The following RIOK3 variants were observed in gnomAD, a reference collection of about 807,000 sequenced individuals.
The protein encoded by RIOK3 is serine/threonine-protein kinase RIO3.
A neutral mutation model predicts 63.5 loss-of-function variants in RIOK3; 40 were observed. The observed-to-expected ratio is 0.63, with a 90% CI of 0.49 to 0.82. The LOEUF is 0.82. Ranked by LOEUF, RIOK3 falls within the 40% of genes least tolerant of loss-of-function variation. The pLI is 0.00. For synonymous variants in RIOK3, 193 were observed against 205.0 expected, an observed-to-expected ratio of 0.94 and a Z score of 0.50; for missense variants, 557 against 637.0, an observed-to-expected ratio of 0.87 and a Z score of 1.35.
chr18:23,466,225 A>G lies in RIOK3; in HGVS notation c.636A>G (p.Ser212=), dbSNP rs1342165708. Reference sequence around the variant, plus strand: ...ATGCTTTAAAACAACATGCCTACTCAGAAGAACGTCGAAGTGCCCGCCTAC... The same window carrying G: ...ATGCTTTAAAACAACATGCCTACTCGGAAGAACGTCGAAGTGCCCGCCTAC... The part of the protein sequence containing the change: ...VFNALKQHAY[S]EERRSARLHE... Residue 212 remains serine, a synonymous_variant, in exon 6 of 13, where the codon TCA becomes TCG. Coordinates refer to ENST00000339486, the MANE Select transcript of RIOK3 (RefSeq NM_003831.5). The G allele has an allele frequency of 2.5e-6, 4 of 1,612,770 alleles. No homozygotes were observed. The highest frequency in any genetic ancestry group is 3.4e-6 in the Non-Finnish European group (4 of 1,179,392).
intron 1 of RIOK3, among the ~76,000 whole-genome samples, chr18:23,458,547 A>G (rs2145669963): frequency 6.6e-6 from 1 of 152,346 alleles, no homozygotes. Context: ...GTGTCCCATC[A>G]GATTGTGACA....
Position 23,461,570 on chromosome 18 carries a change from A to G in RIOK3, c.64-1394A>G, listed in dbSNP as rs181954714. ...GAGATGCTTAGGCATCTTACTAAAT[A>G]GTAAAGGTCTTAATCAATAGGCTAT... On this transcript the variant is annotated intron_variant, in intron 1 of 12. Transcript: ENST00000339486. Among the ~76,000 whole-genome samples the G allele has an allele frequency of 1.1e-3, 164 of 152,362 alleles. 1 individual carries two copies. The highest frequency in any genetic ancestry group is 6.8e-3 in the Middle Eastern group (2 of 294).
intron 1 of RIOK3, among the ~76,000 whole-genome samples, chr18:23,460,806 T>C (rs76724884): frequency 0.016 from 2,428 of 152,268 alleles, 62 homozygotes; most frequent in African/African-American, 0.056. Context: ...GTTCTCCAGA[T>C]GATAGAAAGC....
intron 8 of RIOK3, 86 bp downstream of exon 8, chr18:23,473,712 A>T: frequency 1.0e-6 from 1 of 992,602 alleles, no homozygotes; most frequent in Non-Finnish European, 1.5e-6. Context: ...TTTTACATTC[A>T]TTTATAGAAA....
chr18:23,461,731 C>G (rs977157412), intron 1 of RIOK3, among the ~76,000 whole-genome samples: 1 of 151,874 alleles, frequency 6.6e-6, no homozygotes, highest in African/African-American at 2.4e-5. Context: ...CTGGGTCTGA[C>G]AGAATATTAC....
chr18:23,462,445 C>G (rs1568381053), intron 1 of RIOK3, among the ~76,000 whole-genome samples: 1 of 152,192 alleles, frequency 6.6e-6, no homozygotes, highest in Non-Finnish European at 1.5e-5. Flanking sequence ...CTGGCCTGTT[C>G]TTGTTTTTGT....
chr18:23,455,243 C>T (rs563608184), intron 1 of RIOK3, among the ~76,000 whole-genome samples: 1 of 151,240 alleles, frequency 6.6e-6, no homozygotes, highest in African/African-American at 2.4e-5. Flanking sequence ...AGCTGATTTT[C>T]GTATTTTTTT....
In RIOK3 at chr18:23,464,293, G is replaced by A. The variant is rs147314004; in HGVS notation, c.413G>A (p.Arg138His). ...GATGAGGTTGACTGGCAGGATACTC[G>A]TGATGATCCCTACAGACCAGGTACC... Reference protein sequence around the residue: ...SEDEVDWQDTRDDPYRPAKPV... With the variant: ...SEDEVDWQDTHDDPYRPAKPV... Residue 138 changes from arginine (R) to histidine (H), a missense_variant, in exon 4 of 13, where the codon CGT becomes CAT. Around this residue, in one of 3 missense-constraint regions of RIOK3, gnomAD observed 243 missense variants for 275.4 expected, o/e 0.88. Coordinates refer to ENST00000339486, the MANE Select transcript of RIOK3 (RefSeq NM_003831.5). 15 of 1,613,574 alleles carry A rather than the reference G, an allele frequency of 9.3e-6. No individual in the cohort carries two copies. The African/African-American group carries it at 1.1e-4, about 11-fold the overall frequency.
At chr18:23,459,048 G>T (rs1353339236) in intron 1 of RIOK3, among the ~76,000 whole-genome samples, 8 of 152,098 alleles carry the variant, frequency 5.3e-5, no homozygotes, top group African/African-American at 1.9e-4. Context: ...GGACAGCAAG[G>T]GTGCTTTGGT....
intron 7 of RIOK3, among the ~76,000 whole-genome samples, chr18:23,469,368 T>TC (rs112847601): frequency 0.051 from 80 of 1,580 alleles, 1 homozygote; most frequent in African/African-American, 0.078. Flanking sequence ...CCTCCCTCCC[T>TC]CCCTCCCTCC....
At chr18:23,466,808 T>G (rs1043808924) in intron 6 of RIOK3, among the ~76,000 whole-genome samples, 1 of 149,766 alleles carries the variant, frequency 6.7e-6, no homozygotes, top group Admixed American at 6.7e-5. Context: ...CTGGGCAACA[T>G]AGGGAGACCC....
At chr18:23,459,403 T>C (rs1327100389) in intron 1 of RIOK3, among the ~76,000 whole-genome samples, 2 of 152,176 alleles carry the variant, frequency 1.3e-5, no homozygotes, top group Non-Finnish European at 2.9e-5. Context: ...CAAAGCTCTA[T>C]GCTGGGCTCT....
At chr18:23,467,685 A>G (rs2045355605) in intron 7 of RIOK3, 159 bp downstream of exon 7, 1 of 529,848 alleles carries the variant, frequency 1.9e-6, no homozygotes, top group Non-Finnish European at 3.0e-6. Flanking sequence ...TGTATAAAAA[A>G]CACAGTCATC....
intron 9 of RIOK3, among the ~76,000 whole-genome samples, chr18:23,476,430 T>C (rs145245417): frequency 9.8e-5 from 15 of 152,288 alleles, no homozygotes; most frequent in Middle Eastern, 3.4e-3. Flanking sequence ...TTTAAAGATA[T>C]AGCTAGAAAG....
At chr18:23,470,364 CAAAAA>C (rs761666919) in intron 7 of RIOK3, among the ~76,000 whole-genome samples, 2 of 108,808 alleles carry the variant, frequency 1.8e-5, no homozygotes, top group Admixed American at 9.6e-5. Context: ...GATTCCGTCT[CAAAAA>C]AAAAAAAAAT....
rs202198326 is a variant in RIOK3, at chr18:23,453,546, G to A, written c.63+44G>A. The stretch of plus-strand genomic sequence containing the variant: ...TGGAGTACTAGCCTTGGTCACACGG[G>A]CTGGATCTCTCGGAAAGCTCGGAGA... On this transcript the variant is annotated intron_variant, in intron 1 of 12. Coordinates refer to ENST00000339486, the MANE Select transcript of RIOK3 (RefSeq NM_003831.5). 3.5e-5 allele frequency: 52 copies of A among 1,488,678 alleles called. No individual in the cohort carries two copies. The African/African-American group carries it at 5.4e-4, about 15-fold the overall frequency. 92.2% of individuals were successfully genotyped at this position (1,488,678 alleles called of 1,614,324 possible). A position where few individuals can be genotyped will look rare whatever the true frequency, so the allele number is the denominator to read the frequency against.
chr18:23,464,157 A>T (rs2057390296), intron 3 of RIOK3, 45 bp downstream of exon 3: 2 of 1,606,064 alleles, frequency 1.2e-6, no homozygotes, highest in South Asian at 1.1e-5. Flanking sequence ...GGTAGAAAAC[A>T]CTCATAATGT....
intron 5 of RIOK3, among the ~76,000 whole-genome samples, chr18:23,465,240 G>A (rs993971262): frequency 1.4e-4 from 22 of 151,928 alleles, no homozygotes; most frequent in African/African-American, 4.6e-4. Context: ...GCATGGTGGC[G>A]CATGCCTGTA....
chr18:23,460,254 G>GT (rs1193014069), intron 1 of RIOK3, among the ~76,000 whole-genome samples: 1 of 152,208 alleles, frequency 6.6e-6, no homozygotes, highest in African/African-American at 2.4e-5. Context: ...TGCCCAGCTA[G>GT]TTTTTTAATT....
Sources: allele counts gnomAD v4.1 joint callset (sites outside exome capture counted in the v4.1 genomes callset), GRCh38; gene constraint gnomAD v4.1.1; regional missense constraint gnomAD v4.1.1; transcripts MANE v1.5; gene names NCBI Gene and HGNC (gene_info 2026-07-23, HGNC 2026-07-21).